The following DMXL1 variants were observed in gnomAD, a reference collection of about 807,000 sequenced individuals.
DMXL1 encodes Dmx like 1, also known as dmX-like protein 1.
A neutral mutation model predicts 319.2 loss-of-function variants in DMXL1; 99 were observed. The observed-to-expected ratio is 0.31, with a 90% confidence interval of 0.26 to 0.37. The LOEUF (loss-of-function observed/expected upper bound fraction) is 0.37, where lower values mean the gene tolerates loss of function less well. Ranked by LOEUF, DMXL1 falls within the 10% of genes least tolerant of loss-of-function variation. The pLI is 1.00. For synonymous variants in DMXL1, 1,385 were observed against 1,235.2 expected, an observed-to-expected ratio of 1.12 and a Z score of -2.54; for missense variants, 3,745 against 3,595.6, an observed-to-expected ratio of 1.04 and a Z score of -1.06.
chr5:119,234,726 G>A (rs1006804228), intron 39 of DMXL1, among the ~76,000 whole-genome samples: 1 of 151,960 alleles, frequency 6.6e-6, no homozygotes, highest in African/African-American at 2.4e-5. Flanking sequence ...GTTTTATATT[G>A]CTCCTAACTA....
In DMXL1 at chr5:119,129,429, C is replaced by CT; in HGVS notation, c.1315+9dup. ...AGATGTAAAATCTGATGAAGGTAAA[C>CT]TTTAAGAGGAAAGGAAAATTTAAAG... is the stretch of plus-strand genomic sequence containing the variant. On this transcript the variant is annotated splice_region_variant and intron_variant, in intron 10 of 43. Transcript: ENST00000539542. The CT allele has an allele frequency of 6.3e-7, 1 of 1,576,036 alleles. No homozygotes were observed.
At position 119,101,854 on chromosome 5, in the gene DMXL1, TA is replaced by T. The variant is rs1372887953; in HGVS notation, c.214-80del. The T allele has an allele frequency of 9.0e-6, 8 of 885,032 alleles. No homozygotes were observed. The African/African-American group carries it at 1.4e-4, about 15-fold the overall frequency. 54.8% of individuals were successfully genotyped at this position (885,032 alleles called of 1,614,324 possible). On this transcript the variant is annotated intron_variant, in intron 2 of 43. Transcript: ENST00000539542. ...TTGTGTGTATTGGCATATTTAAAGT[TA>T]TAGTATTCATTTCTTTGCTTTTTTT...
At chr5:119,175,147 C>A in intron 25 of DMXL1, 114 bp from the exon 26 acceptor site, 1 of 634,756 alleles carries the variant, frequency 1.6e-6, no homozygotes, top group Non-Finnish European at 2.6e-6. Context: ...TTCATGAAGG[C>A]AAAGAATCAA....
intron 2 of DMXL1, among the ~76,000 whole-genome samples, chr5:119,099,112 CT>C (rs1375950101): frequency 6.6e-6 from 1 of 151,368 alleles, no homozygotes; most frequent in Non-Finnish European, 1.5e-5. Context: ...TTGTTGAGGC[CT>C]CTTATGACTT....
At chr5:119,155,174 T>C (rs954979778) in intron 19 of DMXL1, among the ~76,000 whole-genome samples, 1 of 152,236 alleles carries the variant, frequency 6.6e-6, no homozygotes, top group Non-Finnish European at 1.5e-5. Flanking sequence ...AACACAACAT[T>C]CATTTTGCAG....
At chr5:119,179,726 G>A (rs902399051) in intron 28 of DMXL1, among the ~76,000 whole-genome samples, 7 of 152,154 alleles carry the variant, frequency 4.6e-5, no homozygotes, top group African/African-American at 1.4e-4. Flanking sequence ...AAAAAATCAT[G>A]ATGGCCTAGC....
At chr5:119,112,088 G>C (rs1252911368) in intron 5 of DMXL1, among the ~76,000 whole-genome samples, 1 of 152,094 alleles carries the variant, frequency 6.6e-6, no homozygotes, top group Admixed American at 6.5e-5. Context: ...GGCCTCCCAA[G>C]TAGTTGGGAC....
chr5:119,125,117 A>T (rs1396260107), intron 9 of DMXL1, among the ~76,000 whole-genome samples: 2 of 152,218 alleles, frequency 1.3e-5, no homozygotes, highest in Admixed American at 6.5e-5. Flanking sequence ...GGCAAACATT[A>T]TGTTGGAAGT....
chr5:119,087,353 T>C (rs976818524), intron 1 of DMXL1, among the ~76,000 whole-genome samples: 26 of 152,174 alleles, frequency 1.7e-4, no homozygotes, highest in African/African-American at 6.0e-4. Flanking sequence ...TGCTGTATCC[T>C]ATAGATTCTG....
intron 2 of DMXL1, 80 bp downstream of exon 2, chr5:119,098,184 AT>A (rs1580683994): frequency 5.5e-6 from 8 of 1,467,300 alleles, no homozygotes; most frequent in Non-Finnish European, 7.3e-6. Context: ...TGTATTTCCT[AT>A]TGAATTAGAG....
intron 38 of DMXL1, among the ~76,000 whole-genome samples, chr5:119,231,313 C>T (rs570814704): frequency 1.0e-3 from 153 of 152,210 alleles, no homozygotes; most frequent in African/African-American, 3.5e-3. Flanking sequence ...TTTTGAATTC[C>T]TTAAATTCAG....
At chr5:119,116,129 A>T in intron 6 of DMXL1, 29 bp from the exon 7 acceptor site, 1 of 1,562,584 alleles carries the variant, frequency 6.4e-7, no homozygotes, top group African/African-American at 1.4e-5. Flanking sequence ...GATCTCCATG[A>T]TTTTCTGTTT....
intron 43 of DMXL1, 78 bp downstream of exon 43, chr5:119,244,654 C>A: frequency 3.0e-6 from 3 of 998,598 alleles, no homozygotes; most frequent in Non-Finnish European, 4.6e-6. Context: ...TTGATGACAT[C>A]AATCTATTTA....
chr5:119,194,038 A>T, intron 30 of DMXL1, 68 bp downstream of exon 30: 2 of 1,141,972 alleles, frequency 1.8e-6, no homozygotes, highest in East Asian at 2.8e-5. Flanking sequence ...TTTTTGAAAA[A>T]ATTACATGTG....
rs767684119 is a variant in DMXL1, at chr5:119,121,039, A to C, written c.1002A>C (p.Leu334=). The C allele has an allele frequency of 1.2e-6, 2 of 1,613,700 alleles. No individual in the cohort carries two copies. The highest frequency in any genetic ancestry group is 1.1e-5 in the South Asian group (1 of 91,022). The change falls in exon 9 of 44, where the codon CTA becomes CTC. Residue 334 remains leucine, a synonymous_variant. Coordinates refer to ENST00000539542, the MANE Select transcript of DMXL1 (RefSeq NM_001290321.3). ...CTCTTGTAGCACATACGGGATATCTACCACATCAGCAGGATCCTCATCATG... is the reference window on the plus strand; with the variant it reads ...CTCTTGTAGCACATACGGGATATCTCCCACATCAGCAGGATCCTCATCATG... ...SLALVAHTGY[L]PHQQDPHHVH...
chr5:119,243,125 G>A (rs576973598), intron 42 of DMXL1, among the ~76,000 whole-genome samples: 2 of 152,130 alleles, frequency 1.3e-5, no homozygotes, highest in African/African-American at 2.4e-5. Context: ...CTTAGTGATG[G>A]TTACACAGAT....
At chr5:119,236,870 C>T (rs1787851208) in intron 39 of DMXL1, 1 of 151,932 alleles carries the variant, frequency 6.6e-6, no homozygotes, top group African/African-American at 2.4e-5. Flanking sequence ...GCTCCCATAG[C>T]GGAATTATTT....
At position 119,170,471 on chromosome 5, in the gene DMXL1, G is replaced by T; in HGVS notation, c.5680G>T (p.Ala1894Ser). The change falls in exon 24 of 44, where the codon GCT becomes TCT. Residue 1894 changes from alanine to serine, a missense_variant. This residue lies in a region of DMXL1 where 1,382 missense variants were observed against 1,269.5 expected (regional missense o/e 1.09). Transcript: ENST00000539542. The part of the protein sequence containing the change: ...VIKKTRPFYR[A>S]SSFLDTSKDC... ...CAAGAAAACAAGACCTTTTTATAGG[G>T]CTTCTAGTTTTCTGGATACTAGTAA... 1.2e-6 allele frequency: 2 copies of T among 1,613,682 alleles called. No homozygotes were observed. Among genetic ancestry groups the T allele is most frequent in the Non-Finnish European group, 1.7e-6 (2 of 1,179,868 alleles).
In DMXL1 at chr5:119,217,461, A is replaced by G. The variant is rs114542738; in HGVS notation, c.8013+474A>G. 8.7e-3 allele frequency among the ~76,000 whole-genome samples: 1,332 copies of G among 152,244 alleles called. 4 individuals carry two copies. Among genetic ancestry groups the G allele is most frequent in the Non-Finnish European group, 0.014 (947 of 67,982 alleles). ...TACTTAACATCCTCCTTAGATGTCT[A>G]TACACTCCTCACAGAAGAGGTGGCC... On this transcript the variant is annotated intron_variant, in intron 35 of 43. Transcript: ENST00000539542.
Sources: gnomAD v4.1 joint callset for allele counts (sites outside exome capture counted in the v4.1 genomes callset) on GRCh38, gnomAD v4.1.1 for gene constraint, gnomAD v4.1.1 regional missense constraint, MANE v1.5 for transcripts, NCBI Gene and HGNC (gene_info 2026-07-23, HGNC 2026-07-21) for gene names.